BEND5: variants seen among roughly 807,000 people sequenced by gnomAD.
BEND5 encodes the protein BEN domain-containing protein 5.
Under a neutral mutation model 43.9 loss-of-function variants are expected in BEND5, and 22 were observed. The ratio of observed to expected loss-of-function variants is 0.50; its 90% CI spans 0.36 to 0.72. BEND5 has a LOEUF of 0.72. Among genes scored for constraint, BEND5 ranks in the 30% least tolerant of loss-of-function variants. The pLI, the probability that BEND5 is intolerant of heterozygous loss-of-function variation, is 0.00. For missense variants in BEND5, 428 were observed against 550.6 expected, an observed-to-expected ratio of 0.78 and a Z score of 2.23; for synonymous variants, 228 against 225.9, an observed-to-expected ratio of 1.01 and a Z score of -0.08.
chr1:48,775,487 C>A (rs954435751), intron 1 of BEND5, among the ~76,000 whole-genome samples: 1 of 152,120 alleles, frequency 6.6e-6, no homozygotes, highest in Non-Finnish European at 1.5e-5. Context: ...AGTCACTAAC[C>A]CTTCGTGTTC....
intron 1 of BEND5, among the ~76,000 whole-genome samples, chr1:48,767,924 C>T (rs563123123): frequency 2.3e-4 from 35 of 152,272 alleles, no homozygotes; most frequent in African/African-American, 8.4e-4. Context: ...GAGTGAGCAC[C>T]TACTATGTGC....
intron 2 of BEND5, chr1:48,761,049 G>A: frequency 3.3e-6 from 1 of 299,180 alleles, no homozygotes; most frequent in Non-Finnish European, 6.3e-6. Context: ...CAGAGCTGTG[G>A]GCCAAGGAGA....
At chr1:48,734,885 A>T (rs778915523) in intron 5 of BEND5, among the ~76,000 whole-genome samples, 1 of 152,208 alleles carries the variant, frequency 6.6e-6, no homozygotes, top group Admixed American at 6.5e-5. Flanking sequence ...TGACTGACTG[A>T]GTCTTACTTT....
Position 48,736,444 on chromosome 1 carries a change from C to G in BEND5, c.903G>C (p.Leu301=). 6.2e-7 allele frequency: 1 copy of G among 1,614,122 alleles called. No homozygotes were observed. Among genetic ancestry groups the G allele is most frequent in the Non-Finnish European group, 8.5e-7 (1 of 1,180,014 alleles). The change falls in exon 5 of 6, where the codon CTG becomes CTC. Residue 301 remains leucine, a synonymous_variant. Coordinates refer to ENST00000371833, the MANE Select transcript of BEND5 (RefSeq NM_024603.4). The surrounding 1 kb of genome is among the most constrained non-coding windows in gnomAD (Gnocchi z 4.0). ...KYILDNGKVH[L]GSGIWVDEEK... is the part of the protein sequence containing the mutation. Reference sequence around the variant, plus strand: ...CCTCATCAACCCAAATCCCGCTTCCCAGATGGACCTGAGAGGAATAAGAAC... The same window carrying G: ...CCTCATCAACCCAAATCCCGCTTCCGAGATGGACCTGAGAGGAATAAGAAC...
intron 3 of BEND5, 143 bp downstream of exon 3, chr1:48,758,757 T>C (rs1644085629): frequency 1.5e-6 from 1 of 684,126 alleles, no homozygotes; most frequent in African/African-American, 1.8e-5. Flanking sequence ...TGACTCTTCC[T>C]TGAGGTAACT....
chr1:48,756,182 G>A (rs534126734), intron 3 of BEND5, among the ~76,000 whole-genome samples: 6 of 152,180 alleles, frequency 3.9e-5, no homozygotes, highest in Non-Finnish European at 8.8e-5. Flanking sequence ...CATGCTCTTT[G>A]CCTAAATTGC....
chr1:48,728,955 G>C lies in BEND5; in HGVS notation c.1109-912C>G, dbSNP rs543434563. On this transcript the variant is annotated intron_variant, in intron 5 of 5. Coordinates refer to ENST00000371833, the MANE Select transcript of BEND5 (RefSeq NM_024603.4). The stretch of plus-strand genomic sequence containing the variant: ...GGCTCAGTACGGCCACTCTCTTACT[G>C]AGTCCACCATTTGCTGTGATAAAGC... Among the ~76,000 whole-genome samples the C allele has an allele frequency of 2.0e-5, 3 of 152,264 alleles. No homozygotes were observed. The East Asian group carries it at 5.8e-4, about 29-fold the overall frequency.
chr1:48,754,519 C>T (rs566790498), intron 3 of BEND5, among the ~76,000 whole-genome samples: 1 of 152,220 alleles, frequency 6.6e-6, no homozygotes, highest in African/African-American at 2.4e-5. Context: ...ATTGGAATGT[C>T]ACCATGCTTT....
At chr1:48,761,103 C>T (rs969871238) in intron 2 of BEND5, 5 of 478,874 alleles carry the variant, frequency 1.0e-5, no homozygotes, top group Non-Finnish European at 1.5e-5. Flanking sequence ...ACTGCACAGA[C>T]TGTGCAAACA....
At chr1:48,734,139 G>A (rs1012016978) in intron 5 of BEND5, among the ~76,000 whole-genome samples, 2 of 152,142 alleles carry the variant, frequency 1.3e-5, no homozygotes, top group Admixed American at 6.5e-5. Context: ...GCAGCAAGAC[G>A]AAAGGTTACC....
chr1:48,776,849 G>C lies in BEND5; in HGVS notation c.-18C>G. On this transcript the variant is annotated 5_prime_UTR_variant, in exon 1 of 6. Coordinates refer to ENST00000371833, the MANE Select transcript of BEND5 (RefSeq NM_024603.4). ...GCGTACATGGTGGGCGCCGGGGGCG[G>C]GCCCCGGTCGGGCAGCTCAGCCCGC... is the stretch of plus-strand genomic sequence containing the variant. The C allele has an allele frequency of 1.3e-6, 2 of 1,488,482 alleles. No homozygotes were observed. The highest frequency in any genetic ancestry group is 1.8e-6 in the Non-Finnish European group (2 of 1,120,436). The allele number at this position is 1,488,482 out of a possible 1,614,324, so 92.2% of individuals were successfully genotyped here. A position where few individuals can be genotyped will look rare whatever the true frequency, so the allele number is the denominator to read the frequency against.
intron 1 of BEND5, among the ~76,000 whole-genome samples, chr1:48,763,495 A>T (rs953315561): frequency 1.7e-4 from 26 of 151,884 alleles, no homozygotes; most frequent in Non-Finnish European, 3.5e-4. Flanking sequence ...TGTGTGTGTG[A>T]AAAAAACAGA....
chr1:48,760,055 A>G (rs1008389564), intron 2 of BEND5, among the ~76,000 whole-genome samples: 2 of 152,240 alleles, frequency 1.3e-5, no homozygotes. Context: ...ACATAGTGAG[A>G]TACAAACAGA....
intron 3 of BEND5, among the ~76,000 whole-genome samples, chr1:48,743,295 T>C (rs2148600208): frequency 1.3e-5 from 2 of 152,264 alleles, no homozygotes; most frequent in Middle Eastern, 6.8e-3. Flanking sequence ...ACAATACACA[T>C]TAAGCCCCTG....
intron 5 of BEND5, 120 bp from the exon 6 acceptor site, chr1:48,728,163 G>C (rs1330268687): frequency 1.2e-6 from 1 of 859,256 alleles, no homozygotes; most frequent in Admixed American, 2.9e-5. Context: ...TTATGTATCT[G>C]GCATAGCTAT....
Position 48,736,164 on chromosome 1 carries a change from T to A in BEND5, c.1108+75A>T. On this transcript the variant is annotated intron_variant, in intron 5 of 5. Coordinates refer to ENST00000371833, the MANE Select transcript of BEND5 (RefSeq NM_024603.4). The surrounding 1 kb of genome is among the most constrained non-coding windows in gnomAD (Gnocchi z 4.0). ...GAAGCTTCATAAGTAATCGTTGAAT[T>A]GAATTGTGCCTAACACATTCTTGAC... The A allele has an allele frequency of 6.7e-7, 1 of 1,492,846 alleles. No individual in the cohort carries two copies. Among genetic ancestry groups the A allele is most frequent in the South Asian group, 1.2e-5 (1 of 86,936 alleles). The allele number at this position is 1,492,846 out of a possible 1,614,324, so 92.5% of individuals were successfully genotyped here. A position where few individuals can be genotyped will look rare whatever the true frequency, so the allele number is the denominator to read the frequency against.
intron 1 of BEND5, among the ~76,000 whole-genome samples, chr1:48,774,292 G>A (rs943695739): frequency 6.6e-6 from 1 of 152,208 alleles, no homozygotes; most frequent in African/African-American, 2.4e-5. Flanking sequence ...TGAAGTCACT[G>A]TAAGCAATTC....
chr1:48,733,701 G>GT, intron 5 of BEND5, among the ~76,000 whole-genome samples: 1 of 152,268 alleles, frequency 6.6e-6, no homozygotes, highest in East Asian at 1.9e-4. Flanking sequence ...ATCTTACGAG[G>GT]TAAGATGATT....
chr1:48,775,356 AC>A (rs1188396852), intron 1 of BEND5, among the ~76,000 whole-genome samples: 1 of 152,090 alleles, frequency 6.6e-6, no homozygotes, highest in African/African-American at 2.4e-5. Flanking sequence ...TTGCCATGAG[AC>A]CCTGGGCAAG....
Sources: gnomAD v4.1 joint callset for allele counts (sites outside exome capture counted in the v4.1 genomes callset) on GRCh38, gnomAD v4.1.1 for gene constraint, Gnocchi (gnomAD v3.1) non-coding constraint, MANE v1.5 for transcripts, NCBI Gene and HGNC (gene_info 2026-07-23, HGNC 2026-07-21) for gene names.